DIXDC1: variants seen among roughly 807,000 people sequenced by gnomAD.
The protein encoded by DIXDC1 is dixin.
DIXDC1 carries 64 observed loss-of-function variants against 103.1 expected under a neutral mutation model. The observed-to-expected ratio is 0.62, with a 90% CI of 0.51 to 0.76. The LOEUF is 0.76. DIXDC1 is among the 30% of genes least tolerant of loss of function. DIXDC1 has a pLI of 0.00. For missense variants in DIXDC1, 759 were observed against 834.2 expected, an observed-to-expected ratio of 0.91 and a Z score of 1.11; for synonymous variants, 266 against 298.5, an observed-to-expected ratio of 0.89 and a Z score of 1.12.
In DIXDC1 at chr11:111,976,025, T is replaced by C. The variant is rs781875931; in HGVS notation, c.656+1042T>C. On this transcript the variant is annotated intron_variant, in intron 5 of 19. Transcript: ENST00000440460. The surrounding 1 kb of genome is among the most constrained non-coding windows in gnomAD (Gnocchi z 4.3). ...TCAGTGGCATTTAGTATCTTCATAA[T>C]GTGGTGCGACCATCACCTCTATCCA... is the stretch of plus-strand genomic sequence containing the variant. 9 of 632,124 alleles carry C rather than the reference T, an allele frequency of 1.4e-5. No individual in the cohort carries two copies. Among genetic ancestry groups the C allele is most frequent in the Non-Finnish European group, 1.8e-5 (9 of 507,432 alleles). 39.2% of individuals were successfully genotyped at this position (632,124 alleles called of 1,614,324 possible). A position where few individuals can be genotyped will look rare whatever the true frequency, so the allele number is the denominator to read the frequency against.
At chr11:112,012,850 C>T (rs781913899) in intron 17 of DIXDC1, among the ~76,000 whole-genome samples, 4 of 152,206 alleles carry the variant, frequency 2.6e-5, no homozygotes, top group South Asian at 2.1e-4. Context: ...TCATCTGAAT[C>T]GACTTTTCAC....
intron 17 of DIXDC1, among the ~76,000 whole-genome samples, chr11:112,007,749 G>T (rs587603376): frequency 9.9e-5 from 15 of 152,214 alleles, no homozygotes; most frequent in Middle Eastern, 3.4e-3. Flanking sequence ...TAACAGACAA[G>T]CAAATGCTAA....
At chr11:111,929,850 G>A (rs1445074941) in exon 2 of DIXDC1, 6 of 1,535,616 alleles carry the variant, frequency 3.9e-6, no homozygotes, top group Non-Finnish European at 5.2e-6. Context: ...AGGGACTCTT[G>A]AAGATGGGGA....
intron 1 of DIXDC1, among the ~76,000 whole-genome samples, chr11:111,948,388 G>T (rs1966669180): frequency 6.6e-6 from 1 of 151,848 alleles, no homozygotes; most frequent in Non-Finnish European, 1.5e-5. Flanking sequence ...TCTTCTCCCT[G>T]GCCCAGACTT....
Position 111,952,584 on chromosome 11 carries a change from A to G in DIXDC1, c.61-11965A>G, listed in dbSNP as rs587643481. ...ACACCTGTAATCCCAGCACTTTGGG[A>G]GACCAAGTCAGGCAGATCATGAGGT... On this transcript the variant is annotated intron_variant, in intron 1 of 19. Transcript: ENST00000440460. Among the ~76,000 whole-genome samples the G allele has an allele frequency of 1.5e-4, 23 of 152,242 alleles. No homozygotes were observed. In the South Asian group the frequency reaches 4.8e-3, roughly 32 times the overall value.
intron 2 of DIXDC1, chr11:111,929,921 G>C (rs1555167497): frequency 6.5e-7 from 1 of 1,535,568 alleles, no homozygotes; most frequent in Admixed American, 2.0e-5. Context: ...GTAAGTTTTT[G>C]GTGTACTATT....
At chr11:111,989,162 T>A in intron 10 of DIXDC1, 107 bp downstream of exon 10, 16 of 844,032 alleles carry the variant, frequency 1.9e-5, no homozygotes, top group Non-Finnish European at 2.6e-5. Flanking sequence ...AATAGCTCTG[T>A]GCTATTGGTA....
intron 1 of DIXDC1, among the ~76,000 whole-genome samples, chr11:111,963,780 G>A (rs962371389): frequency 6.6e-6 from 1 of 152,180 alleles, no homozygotes; most frequent in Admixed American, 6.5e-5. Context: ...ATGTCCCTAC[G>A]TAGATGCCTG....
At chr11:111,938,338 C>T (rs150480160) in intron 1 of DIXDC1, among the ~76,000 whole-genome samples, 37 of 152,312 alleles carry the variant, frequency 2.4e-4, no homozygotes, top group African/African-American at 7.9e-4. Flanking sequence ...TTGCTCCATA[C>T]GTCTTCGACT....
In DIXDC1 at chr11:111,958,883, C is replaced by T. The variant is rs587645583; in HGVS notation, c.61-5666C>T. On this transcript the variant is annotated intron_variant, in intron 1 of 19. Transcript: ENST00000440460. The surrounding 1 kb of genome is among the most constrained non-coding windows in gnomAD (Gnocchi z 4.2). The stretch of plus-strand genomic sequence containing the variant: ...CCTGCCTGCGGAGAGGAGCTACCCA[C>T]TCCAGGGTCTCCTCCCTGCTGAATG... Among the ~76,000 whole-genome samples, 2 of 152,296 alleles carry T rather than the reference C, an allele frequency of 1.3e-5. No homozygotes were observed. The highest frequency in any genetic ancestry group is 3.9e-4 in the East Asian group (2 of 5,174).
intron 17 of DIXDC1, among the ~76,000 whole-genome samples, chr11:112,010,605 T>C (rs1446364265): frequency 2.6e-5 from 4 of 152,290 alleles, no homozygotes; most frequent in Middle Eastern, 6.8e-3. Context: ...AAAACAGATA[T>C]ATAGACCAAT....
At chr11:111,933,346 T>C (rs1966091432), upstream of DIXDC1, among the ~76,000 whole-genome samples, 1 of 152,212 alleles carries the variant, frequency 6.6e-6, no homozygotes, top group South Asian at 2.1e-4. Context: ...CAGGCTGGTC[T>C]CGGACTCCTG....
chr11:112,000,944 A>G (rs879975310), intron 17 of DIXDC1, among the ~76,000 whole-genome samples: 13 of 152,208 alleles, frequency 8.5e-5, no homozygotes, highest in Non-Finnish European at 1.8e-4. Flanking sequence ...ACATGGAGTT[A>G]CCATATGACC....
chr11:111,979,206 G>A (rs1860218521), intron 5 of DIXDC1, among the ~76,000 whole-genome samples: 1 of 152,158 alleles, frequency 6.6e-6, no homozygotes. Flanking sequence ...CCTAAAATAC[G>A]GACAGTGAGG....
intron 3 of DIXDC1, among the ~76,000 whole-genome samples, chr11:111,973,744 CT>C (rs1555172292): frequency 1.5e-4 from 23 of 152,346 alleles, no homozygotes; most frequent in African/African-American, 5.5e-4. Context: ...CCCACTTCCT[CT>C]AGGAATCCTT....
At position 111,975,001 on chromosome 11, in the gene DIXDC1, A is replaced by C. The variant is rs782620867; in HGVS notation, c.656+18A>C. On this transcript the variant is annotated intron_variant, in intron 5 of 19. Coordinates refer to ENST00000440460, the MANE Select transcript of DIXDC1 (RefSeq NM_001037954.4). ...TGCTCCAGGTAACTGTGGCCTCTGA[A>C]ACCTGAATTCTGGAGGATTCTCGGA... is the stretch of plus-strand genomic sequence containing the variant. The C allele has an allele frequency of 4.4e-6, 7 of 1,603,732 alleles. No homozygotes were observed. The highest frequency in any genetic ancestry group is 1.7e-6 in the Non-Finnish European group (2 of 1,175,700).
At chr11:111,956,019 C>CACACACACAT (rs1859351127) in intron 1 of DIXDC1, among the ~76,000 whole-genome samples, 2 of 148,896 alleles carry the variant, frequency 1.3e-5, no homozygotes, top group Admixed American at 1.3e-4. Flanking sequence ...CACACACACA[C>CACACACACAT]ACACGGTGGA....
Position 111,937,375 on chromosome 11 carries a change from G to A in DIXDC1, c.-125G>A, listed in dbSNP as rs1966241051. The A allele has an allele frequency of 2.7e-6, 4 of 1,455,932 alleles. No homozygotes were observed. The East Asian group carries it at 1.0e-4, about 38-fold the overall frequency. 90.2% of individuals were successfully genotyped at this position (1,455,932 alleles called of 1,614,324 possible). On this transcript the variant is annotated 5_prime_UTR_variant, in exon 1 of 20. Coordinates refer to ENST00000440460, the MANE Select transcript of DIXDC1 (RefSeq NM_001037954.4). ...CTCCAGTCTAGGTTTCCAGTAAGTG[G>A]CATGCGGGACTCCGGAGGGATCCCA...
chr11:111,941,605 C>T (rs1409170553), intron 1 of DIXDC1, among the ~76,000 whole-genome samples: 2 of 151,788 alleles, frequency 1.3e-5, no homozygotes, highest in Admixed American at 6.6e-5. Flanking sequence ...GGCTTGAGCC[C>T]GGGAGTTCAA....
Sources: allele counts gnomAD v4.1 joint callset (sites outside exome capture counted in the v4.1 genomes callset), GRCh38; gene constraint gnomAD v4.1.1; non-coding constraint Gnocchi (gnomAD v3.1); transcripts MANE v1.5; gene names NCBI Gene and HGNC (gene_info 2026-07-23, HGNC 2026-07-21).